The following TMEM268 variants were observed in gnomAD, a reference collection of about 807,000 sequenced individuals.
The protein encoded by TMEM268 is transmembrane protein C9orf91.
In TMEM268, 24 loss-of-function variants were observed where a neutral mutation model predicts 39.1. The observed-to-expected ratio is 0.61, with a 90% CI of 0.44 to 0.86. The LOEUF (loss-of-function observed/expected upper bound fraction) is 0.86, where lower values mean the gene tolerates loss of function less well. TMEM268 is among the 40% of genes least tolerant of loss of function. The probability of loss-of-function intolerance (pLI) is 0.00; values close to 1 mark genes in which losing one functional copy is unlikely to be tolerated. For synonymous variants in TMEM268, 176 were observed against 173.5 expected (o/e 1.01, Z -0.12); for missense variants, 409 against 428.6 (o/e 0.95, Z 0.40).
chr9:114,636,484 C>CTTTT (rs368385055), intron 6 of TMEM268, among the ~76,000 whole-genome samples: 7,702 of 150,906 alleles, frequency 0.051, 361 homozygotes, highest in South Asian at 0.14. Flanking sequence ...CAGGGTTTAA[C>CTTTT]TTTTTCTTTT....
chr9:114,634,407 G>T (rs1232422034), intron 6 of TMEM268, among the ~76,000 whole-genome samples: 1 of 152,236 alleles, frequency 6.6e-6, no homozygotes, highest in East Asian at 1.9e-4. Flanking sequence ...GAGAGATGAG[G>T]CCGGAGAGGC....
intron 2 of TMEM268, among the ~76,000 whole-genome samples, chr9:114,623,821 C>T (rs146543308): frequency 1.8e-4 from 27 of 152,208 alleles, no homozygotes; most frequent in African/African-American, 5.3e-4. Context: ...CCATGGAAGG[C>T]AGTATATTTG....
At chr9:114,627,413 A>G (rs957871683) in intron 4 of TMEM268, among the ~76,000 whole-genome samples, 2 of 152,042 alleles carry the variant, frequency 1.3e-5, no homozygotes, top group African/African-American at 2.4e-5. Flanking sequence ...ACACATATGT[A>G]TATATATATA....
rs1379290932 is a variant in TMEM268, at chr9:114,643,315, C to T, written c.*2C>T. 6.2e-7 allele frequency: 1 copy of T among 1,613,856 alleles called. No homozygotes were observed. Among genetic ancestry groups the T allele is most frequent in the Non-Finnish European group, 8.5e-7 (1 of 1,179,866 alleles). Reference sequence around the variant, plus strand: ...TGCTGCCCGTTCCTGGCGAGGTGACCTAGGGATGAAGGTACTCATCTTCCT... The same window carrying T: ...TGCTGCCCGTTCCTGGCGAGGTGACTTAGGGATGAAGGTACTCATCTTCCT... On this transcript the variant is annotated 3_prime_UTR_variant, in exon 9 of 9. Coordinates refer to ENST00000288502, the MANE Select transcript of TMEM268 (RefSeq NM_153045.4).
At chr9:114,621,816 C>T (rs541504229) in intron 2 of TMEM268, among the ~76,000 whole-genome samples, 159 of 152,164 alleles carry the variant, frequency 1.0e-3, no homozygotes, top group African/African-American at 3.7e-3. Context: ...AGACATAGAA[C>T]GAGGCTGAGG....
rs1340030625 is a variant in TMEM268 at position 114,644,564 on chromosome 9, A to G, written c.*1251A>G. The G allele has an allele frequency of 6.6e-6, 1 of 151,924 alleles. No homozygotes were observed. Among genetic ancestry groups the G allele is most frequent in the African/African-American group, 2.4e-5 (1 of 41,396 alleles). The allele number at this position is 151,924 out of a possible 1,614,324, so 9.4% of individuals were successfully genotyped here. On this transcript the variant is annotated 3_prime_UTR_variant, in exon 9 of 9. Transcript: ENST00000288502. The stretch of plus-strand genomic sequence containing the variant: ...CTTAAGGACAGAGACTACACCTTGT[A>G]CTTTTTGTGCATGACCTGGACCTGC...
At chr9:114,632,774 C>A (rs1336925649) in intron 5 of TMEM268, among the ~76,000 whole-genome samples, 2 of 152,160 alleles carry the variant, frequency 1.3e-5, no homozygotes, top group Non-Finnish European at 1.5e-5. Context: ...GAGTCCCAGG[C>A]CCTGGGTTAA....
intron 2 of TMEM268, chr9:114,622,281 TC>T: frequency 1.0e-6 from 1 of 985,336 alleles, no homozygotes; most frequent in Non-Finnish European, 1.2e-6. Context: ...ATCTCTTCTG[TC>T]CTGCCTCATT....
intron 2 of TMEM268, among the ~76,000 whole-genome samples, chr9:114,623,745 C>T (rs77815931): frequency 2.4e-4 from 37 of 152,312 alleles, no homozygotes; most frequent in African/African-American, 8.9e-4. Flanking sequence ...TGGGGCCCAC[C>T]CGGATGATTC....
In TMEM268 at chr9:114,643,624, T is replaced by C. The variant is rs1448923876; in HGVS notation, c.*311T>C. ...ATGGAAAGACTGGACCCCCATTGCT[T>C]TCATTGTTCAGAGAACCCAGGAGAC... On this transcript the variant is annotated 3_prime_UTR_variant, in exon 9 of 9. Coordinates refer to ENST00000288502, the MANE Select transcript of TMEM268 (RefSeq NM_153045.4). The C allele has an allele frequency of 8.0e-6, 2 of 250,748 alleles. No homozygotes were observed. Among genetic ancestry groups the C allele is most frequent in the Non-Finnish European group, 1.5e-5 (2 of 129,954 alleles). 15.5% of individuals were successfully genotyped at this position (250,748 alleles called of 1,614,324 possible).
At chr9:114,609,959 C>CT (rs2133573934), upstream of TMEM268, among the ~76,000 whole-genome samples, 1 of 152,218 alleles carries the variant, frequency 6.6e-6, no homozygotes, top group East Asian at 1.9e-4. Flanking sequence ...TGGAAATCAC[C>CT]TTCATGTCCA....
At chr9:114,605,028 A>G in the TMEM268 span, among the ~76,000 whole-genome samples, 4 of 152,280 alleles carry the variant, frequency 2.6e-5, no homozygotes, top group Admixed American at 1.3e-4. Context: ...GCTTCCTGTA[A>G]CCCCAGTAAA....
At chr9:114,616,641 C>T (rs1184837164) in intron 1 of TMEM268, among the ~76,000 whole-genome samples, 1 of 151,818 alleles carries the variant, frequency 6.6e-6, no homozygotes, top group Non-Finnish European at 1.5e-5. Flanking sequence ...GCTGGGATTA[C>T]AGGCGTGAGC....
intron 1 of TMEM268, among the ~76,000 whole-genome samples, chr9:114,616,357 GTTTGTTTTTGTT>G (rs200337281): frequency 0.074 from 10,460 of 141,934 alleles, 494 homozygotes; most frequent in South Asian, 0.15. Flanking sequence ...TTGTTTGTTT[GTTTGTTTTTGTT>G]TTTGTTTTTG....
chr9:114,616,778 C>T (rs1215499739), intron 1 of TMEM268, among the ~76,000 whole-genome samples: 1 of 152,062 alleles, frequency 6.6e-6, no homozygotes, highest in Non-Finnish European at 1.5e-5. Context: ...GCCTGGTTGC[C>T]TGGGGCATCC....
chr9:114,610,679 T>C (rs950119509), upstream of TMEM268, among the ~76,000 whole-genome samples: 3 of 152,228 alleles, frequency 2.0e-5, no homozygotes, highest in Non-Finnish European at 4.4e-5. Context: ...CTTGTGAGTA[T>C]AGCAATTGGG....
Position 114,637,084 on chromosome 9 carries a change from A to C in TMEM268, c.666+14A>C. On this transcript the variant is annotated intron_variant, in intron 7 of 8. Transcript: ENST00000288502. ...ACTAGCCAAGAGGTAAGATATCTTCAGTGAAAAAACAAAACAAAAACCAGG... is the reference window on the plus strand; with the variant it reads ...ACTAGCCAAGAGGTAAGATATCTTCCGTGAAAAAACAAAACAAAAACCAGG... The C allele has an allele frequency of 6.4e-7, 1 of 1,572,056 alleles. No homozygotes were observed. Among genetic ancestry groups the C allele is most frequent in the Admixed American group, 1.7e-5 (1 of 59,830 alleles).
chr9:114,639,374 A>G (rs1564302312), intron 8 of TMEM268, among the ~76,000 whole-genome samples: 2 of 151,984 alleles, frequency 1.3e-5, no homozygotes, highest in Admixed American at 6.6e-5. Context: ...TGGGCTCAAG[A>G]GATCTACCCA....
intron 5 of TMEM268, among the ~76,000 whole-genome samples, chr9:114,630,066 C>T (rs192105614): frequency 1.2e-3 from 189 of 152,252 alleles, no homozygotes; most frequent in Non-Finnish European, 2.0e-3. Context: ...ACAGGTGCTT[C>T]GAGGATGTGG....
Sources: gnomAD v4.1 joint callset for allele counts (sites outside exome capture counted in the v4.1 genomes callset) on GRCh38, gnomAD v4.1.1 for gene constraint, MANE v1.5 for transcripts, NCBI Gene and HGNC (gene_info 2026-07-23, HGNC 2026-07-21) for gene names.